Variants in TTC7A observed in about 807,000 individuals in gnomAD.
The protein encoded by TTC7A is tetratricopeptide repeat protein 7A.
Under a neutral mutation model 103.7 loss-of-function variants are expected in TTC7A, and 110 were observed. The ratio of observed to expected loss-of-function variants is 1.06; its 90% CI spans 0.91 to 1.24. The LOEUF (loss-of-function observed/expected upper bound fraction) is 1.24. Ranked by LOEUF, TTC7A falls within the 50% of genes most tolerant of loss-of-function variation. TTC7A has a pLI of 0.00. For synonymous variants in TTC7A, 521 were observed against 467.9 expected (o/e 1.11, Z -1.47); for missense variants, 1,340 against 1,116.3 (o/e 1.20, Z -2.86).
At chr2:46,967,268 T>A (rs1208800064) in intron 3 of TTC7A, among the ~76,000 whole-genome samples, 1 of 152,208 alleles carries the variant, frequency 6.6e-6, no homozygotes, top group African/African-American at 2.4e-5. Flanking sequence ...TAACCACTTT[T>A]AAGCGTACAG....
chr2:46,930,993 T>G (rs1366243070), intron 2 of TTC7A, among the ~76,000 whole-genome samples: 1 of 150,542 alleles, frequency 6.6e-6, no homozygotes, highest in Non-Finnish European at 1.5e-5. Flanking sequence ...GATGAGAAAA[T>G]TTAGCCGTAT....
rs375506364 is a variant in TTC7A, at chr2:47,074,764, G to A, written c.*841G>A. 5 of 152,264 alleles carry A rather than the reference G, an allele frequency of 3.3e-5. No homozygotes were observed. The highest frequency in any genetic ancestry group is 1.3e-4 in the Admixed American group (2 of 15,260). 9.4% of individuals were successfully genotyped at this position (152,264 alleles called of 1,614,324 possible). A position where few individuals can be genotyped will look rare whatever the true frequency, so the allele number is the denominator to read the frequency against. ...CACAGCCCTTTTTTTGCCTTGATTC[G>A]AGCCTCACCCTGGCCTTTTGGCTTC... On this transcript the variant is annotated 3_prime_UTR_variant, in exon 20 of 20. Transcript: ENST00000319190.
intron 5 of TTC7A, among the ~76,000 whole-genome samples, chr2:46,980,216 C>CTTTT (rs5830931): frequency 2.4e-5 from 3 of 124,122 alleles, no homozygotes. Flanking sequence ...TACTCTCTCT[C>CTTTT]TTTTTTTTTT....
At chr2:47,026,432 C>T (rs1037492471) in intron 14 of TTC7A, among the ~76,000 whole-genome samples, 2 of 152,154 alleles carry the variant, frequency 1.3e-5, no homozygotes, top group African/African-American at 4.8e-5. Flanking sequence ...GCACTGGTGC[C>T]CACAGCCTGC....
intron 1 of TTC7A, among the ~76,000 whole-genome samples, chr2:46,943,163 A>G (rs1360811064): frequency 1.3e-5 from 2 of 152,138 alleles, no homozygotes; most frequent in Non-Finnish European, 2.9e-5. Flanking sequence ...TGGGCCTCCC[A>G]AAGTGCTGGG....
chr2:46,990,934 ATAGGGTCTTGCTCTGTTGCCCAGGT>A (rs1407882578), intron 5 of TTC7A, among the ~76,000 whole-genome samples: 2 of 151,902 alleles, frequency 1.3e-5, no homozygotes, highest in Non-Finnish European at 2.9e-5. Flanking sequence ...TTGTTTTGAG[ATAGGGTCTTGCTCTGTTGCCCAGGT>A]TAGAGTGCAG....
chr2:47,014,932 C>G (rs1303696270), intron 11 of TTC7A, among the ~76,000 whole-genome samples: 1 of 152,262 alleles, frequency 6.6e-6, no homozygotes, highest in African/African-American at 2.4e-5. Context: ...CATACCGGGT[C>G]TGGGTCTGAG....
chr2:47,068,933 T>TC (rs1224822414), intron 19 of TTC7A, among the ~76,000 whole-genome samples: 2 of 146,824 alleles, frequency 1.4e-5, no homozygotes, highest in Non-Finnish European at 3.0e-5. Flanking sequence ...CGGCCCTTTC[T>TC]CCCTGTCCAG....
intron 19 of TTC7A, among the ~76,000 whole-genome samples, chr2:47,072,011 T>G (rs1017002181): frequency 4.6e-5 from 7 of 152,254 alleles, no homozygotes; most frequent in African/African-American, 1.7e-4. Context: ...TTTTGGTGCT[T>G]AATTTTGTGT....
At chr2:46,973,245 T>C (rs1002348760) in intron 3 of TTC7A, among the ~76,000 whole-genome samples, 4 of 152,170 alleles carry the variant, frequency 2.6e-5, no homozygotes, top group Non-Finnish European at 5.9e-5. Context: ...GAGAAACTTG[T>C]CCTCGCGTTT....
chr2:46,974,946 G>A, intron 3 of TTC7A, 27 bp from the exon 4 acceptor site: 1 of 1,610,970 alleles, frequency 6.2e-7, no homozygotes, highest in South Asian at 1.1e-5. Flanking sequence ...AGCAGGACAG[G>A]TCTGAGGCAC....
At position 47,075,334 on chromosome 2, in the gene TTC7A, A is replaced by G. The variant is rs902559807; in HGVS notation, c.*1411A>G. 1 of 152,030 alleles carries G rather than the reference A, an allele frequency of 6.6e-6. No homozygotes were observed. The highest frequency in any genetic ancestry group is 2.4e-5 in the African/African-American group (1 of 41,382). 9.4% of individuals were successfully genotyped at this position (152,030 alleles called of 1,614,324 possible). A position where few individuals can be genotyped will look rare whatever the true frequency, so the allele number is the denominator to read the frequency against. ...ATCTATATATATAAAATAGAGATCT[A>G]TTTTTTTTCTGGAATTCTGTTAGAA... On this transcript the variant is annotated 3_prime_UTR_variant, in exon 20 of 20. Coordinates refer to ENST00000319190, the MANE Select transcript of TTC7A (RefSeq NM_020458.4).
chr2:46,982,618 T>C (rs1674583770), intron 5 of TTC7A, among the ~76,000 whole-genome samples: 1 of 151,736 alleles, frequency 6.6e-6, no homozygotes, highest in Non-Finnish European at 1.5e-5. Flanking sequence ...TCTCATAGCA[T>C]TGTTGTGGGG....
At position 46,951,185 on chromosome 2, in the gene TTC7A, G is replaced by A. The variant is rs140559391; in HGVS notation, c.348+659G>A. Among the ~76,000 whole-genome samples, 32 of 152,264 alleles carry A rather than the reference G, an allele frequency of 2.1e-4. 1 individual carries two copies. Among genetic ancestry groups the A allele is most frequent in the African/African-American group, 7.7e-4 (32 of 41,554 alleles). On this transcript the variant is annotated intron_variant, in intron 2 of 19. Transcript: ENST00000319190. ...TGAGTACAAGACACTGAGGGAGGTA[G>A]AGGACCCACCTCTCCCTCCCAGAAG...
At chr2:46,923,255 A>G (rs1424929763) in intron 2 of TTC7A, among the ~76,000 whole-genome samples, 4 of 152,354 alleles carry the variant, frequency 2.6e-5, no homozygotes, top group Non-Finnish European at 5.9e-5. Context: ...TTGGTGATCA[A>G]CTTAACCTTC....
chr2:47,040,291 C>T (rs1681593905), intron 15 of TTC7A: 2 of 152,326 alleles, frequency 1.3e-5, no homozygotes, highest in Non-Finnish European at 1.5e-5. Context: ...CCTTCCCTAG[C>T]CCCAGGAGTG....
At chr2:47,053,235 T>C (rs1683017824) in intron 18 of TTC7A, among the ~76,000 whole-genome samples, 1 of 152,138 alleles carries the variant, frequency 6.6e-6, no homozygotes, top group Non-Finnish European at 1.5e-5. Flanking sequence ...GGAAGAGGGA[T>C]GTTGAAAAAT....
chr2:46,918,840 C>T (rs1668952399), intron 2 of TTC7A, among the ~76,000 whole-genome samples: 2 of 152,210 alleles, frequency 1.3e-5, no homozygotes, highest in Admixed American at 1.3e-4. Context: ...TTGGAAATAA[C>T]TGATTTGAAA....
intron 18 of TTC7A, among the ~76,000 whole-genome samples, chr2:47,056,334 G>T (rs188890312): frequency 6.6e-6 from 1 of 152,326 alleles, no homozygotes; most frequent in Admixed American, 6.5e-5. Context: ...AATTCTTTTG[G>T]GGGGACTAAC....
Sources: gnomAD v4.1 joint callset for allele counts (sites outside exome capture counted in the v4.1 genomes callset) on GRCh38, gnomAD v4.1.1 for gene constraint, MANE v1.5 for transcripts, NCBI Gene and HGNC (gene_info 2026-07-23, HGNC 2026-07-21) for gene names.